Variants in CXCR6 observed in about 807,000 individuals in gnomAD.
CXCR6 encodes C-X-C motif chemokine receptor 6.
CXCR6 carries 3 observed loss-of-function variants against 1.6 expected under a neutral mutation model. That is an observed-to-expected ratio of 1.83 (90% confidence interval 0.83 to 4.72). The LOEUF is 4.72. Among genes scored for constraint, CXCR6 ranks in the 30% most tolerant of loss-of-function variants. The pLI is 0.02. For synonymous variants in CXCR6, 171 were observed against 159.2 expected (o/e 1.07, Z -0.56); for missense variants, 326 against 414.8 (o/e 0.79, Z 1.86).
At chr3:45,946,435 T>C in intron 1 of CXCR6, 26 bp from the exon 2 acceptor site, 1 of 1,530,462 alleles carries the variant, frequency 6.5e-7, no homozygotes. Context: ...CAGCCCCAAA[T>C]ATAATTCCTG....
Position 45,947,606 on chromosome 3 carries a change from T to C in CXCR6, c.*96T>C, listed in dbSNP as rs752911152. ...GCAGGCTTTGTTTATAGCTTGCGCA[T>C]TCTCATGGAGAAGTTATCAGACACT... On this transcript the variant is annotated 3_prime_UTR_variant, in exon 2 of 2. Coordinates refer to ENST00000304552, the MANE Select transcript of CXCR6 (RefSeq NM_006564.2). The C allele has an allele frequency of 1.6e-5, 15 of 936,572 alleles. No individual in the cohort carries two copies. Among genetic ancestry groups the C allele is most frequent in the Non-Finnish European group, 2.3e-5 (14 of 602,032 alleles). 58.0% of individuals were successfully genotyped at this position (936,572 alleles called of 1,614,324 possible).
upstream of CXCR6, among the ~76,000 whole-genome samples, chr3:45,942,847 G>T (rs919128374): frequency 1.3e-5 from 2 of 152,210 alleles, no homozygotes; most frequent in Non-Finnish European, 2.9e-5. Context: ...TGCCTGAGTG[G>T]TGTGGGCTTA....
upstream of CXCR6, among the ~76,000 whole-genome samples, chr3:45,942,359 A>G (rs1198892719): frequency 6.6e-6 from 1 of 152,240 alleles, no homozygotes; most frequent in East Asian, 1.9e-4. Context: ...GGCTTGCGGT[A>G]GAAATGAGTG....
At position 45,946,812 on chromosome 3, in the gene CXCR6, A is replaced by G; in HGVS notation, c.331A>G (p.Ile111Val). ...MCKSLLGIYT[I>V]NFYTSMLILT... ...CAAGAGCCTACTGGGCATCTACACT[A>G]TTAACTTCTACACGTCCATGCTCAT... The change falls in exon 2 of 2, where the codon ATT (isoleucine) becomes GTT (valine). Residue 111 changes from isoleucine to valine, a missense_variant. Physicochemically the swap from Ile to Val is conservative, Grantham distance 29. Coordinates refer to ENST00000304552, the MANE Select transcript of CXCR6 (RefSeq NM_006564.2). 1 of 1,614,204 alleles carries G rather than the reference A, an allele frequency of 6.2e-7. No individual in the cohort carries two copies. The highest frequency in any genetic ancestry group is 1.7e-5 in the Admixed American group (1 of 60,032).
intron 1 of CXCR6, chr3:45,945,031 C>CA (rs2125819833): frequency 6.6e-6 from 1 of 152,220 alleles, no homozygotes; most frequent in African/African-American, 2.4e-5. Context: ...TTTTATTAAG[C>CA]AGTCTTAGCC....
Position 45,947,036 on chromosome 3 carries a change from G to C in CXCR6, c.555G>C (p.Glu185Asp). Reference protein sequence around the residue: ...LDKLICGYHDEAISTVVLATQ... With the variant: ...LDKLICGYHDDAISTVVLATQ... ...AGCTCATATGTGGTTACCATGACGAGGCAATTTCCACTGTGGTTCTTGCCA... is the reference window on the plus strand; with the variant it reads ...AGCTCATATGTGGTTACCATGACGACGCAATTTCCACTGTGGTTCTTGCCA... The change falls in exon 2 of 2, where the codon GAG becomes GAC. Residue 185 changes from glutamate to aspartate, a missense_variant. By Grantham distance (45) the Glu-to-Asp change is conservative. Coordinates refer to ENST00000304552, the MANE Select transcript of CXCR6 (RefSeq NM_006564.2). The C allele has an allele frequency of 1.2e-6, 2 of 1,614,166 alleles. No homozygotes were observed. The highest frequency in any genetic ancestry group is 1.7e-6 in the Non-Finnish European group (2 of 1,180,036).
chr3:45,943,943 A>G (rs1418824965), intron 1 of CXCR6, among the ~76,000 whole-genome samples: 1 of 152,236 alleles, frequency 6.6e-6, no homozygotes, highest in Non-Finnish European at 1.5e-5. Flanking sequence ...ATATAAATCA[A>G]CATACTACTG....
At chr3:45,944,790 G>T (rs891194973) in intron 1 of CXCR6, among the ~76,000 whole-genome samples, 1 of 152,190 alleles carries the variant, frequency 6.6e-6, no homozygotes, top group Non-Finnish European at 1.5e-5. Flanking sequence ...AAAAAAAGGC[G>T]AGAGCGAGTC....
At chr3:45,944,818 TG>T (rs1357952884) in intron 1 of CXCR6, among the ~76,000 whole-genome samples, 1 of 152,204 alleles carries the variant, frequency 6.6e-6, no homozygotes, top group African/African-American at 2.4e-5. Context: ...AATGGGGAGC[TG>T]AACATTATTC....
intron 1 of CXCR6, among the ~76,000 whole-genome samples, chr3:45,944,808 A>G (rs1320734102): frequency 6.6e-6 from 1 of 152,220 alleles, no homozygotes; most frequent in Non-Finnish European, 1.5e-5. Flanking sequence ...GTCAAGCAAT[A>G]ATGGGGAGCT....
Position 45,946,601 on chromosome 3 carries a change from G to C in CXCR6, c.120G>C (p.Val40=). 1 of 1,614,202 alleles carries C rather than the reference G, an allele frequency of 6.2e-7. No individual in the cohort carries two copies. Among genetic ancestry groups the C allele is most frequent in the South Asian group, 1.1e-5 (1 of 91,068 alleles). ...TCTTTCTGCCCTGCATGTACCTGGT[G>C]GTGTTTGTCTGTGGTCTGGTGGGGA... The part of the protein sequence containing the change: ...SKVFLPCMYL[V]VFVCGLVGNS... Residue 40 remains valine (V), a synonymous_variant, in exon 2 of 2, where the codon GTG becomes GTC. Transcript: ENST00000304552.
chr3:45,944,052 C>T (rs1313370920), intron 1 of CXCR6, among the ~76,000 whole-genome samples: 2 of 151,938 alleles, frequency 1.3e-5, no homozygotes, highest in Admixed American at 1.3e-4. Context: ...TCATTTTTTC[C>T]AGGTTTCTAA....
intron 1 of CXCR6, 115 bp from the exon 2 acceptor site, chr3:45,946,346 A>G (rs1278695341): frequency 1.4e-6 from 1 of 705,700 alleles, no homozygotes; most frequent in African/African-American, 1.8e-5. Flanking sequence ...TACACATCCC[A>G]GTGGGTGGGT....
Position 45,947,511 on chromosome 3 carries a change from G to A in CXCR6, c.*1G>A, listed in dbSNP as rs1284550448. 6.2e-7 allele frequency: 1 copy of A among 1,609,556 alleles called. No homozygotes were observed. Among genetic ancestry groups the A allele is most frequent in the Non-Finnish European group, 8.5e-7 (1 of 1,176,422 alleles). ...GGCCACCAGCATGTTCCAGTTATAG[G>A]CCTTGCCAGGGTTTCGAGAAGCTGC... On this transcript the variant is annotated 3_prime_UTR_variant, in exon 2 of 2. Coordinates refer to ENST00000304552, the MANE Select transcript of CXCR6 (RefSeq NM_006564.2).
At position 45,944,214 on chromosome 3, in the gene CXCR6, G is replaced by GTA. The variant is rs1211915624; in HGVS notation, c.-22+675_-22+676insAT. Among the ~76,000 whole-genome samples, 65 of 151,684 alleles carry GTA rather than the reference G, an allele frequency of 4.3e-4. 1 individual carries two copies. The highest frequency in any genetic ancestry group is 7.9e-4 in the Admixed American group (12 of 15,198). On this transcript the variant is annotated intron_variant, in intron 1 of 1. Coordinates refer to ENST00000304552, the MANE Select transcript of CXCR6 (RefSeq NM_006564.2). Reference sequence around the variant, plus strand: ...TGTGTGTCTGTGTGTGTGTGTGTGTGTGTATATATATATACATTATTTCTG... The same window carrying GTA: ...TGTGTGTCTGTGTGTGTGTGTGTGTGTATGTATATATATATACATTATTTCTG...
Position 45,946,696 on chromosome 3 carries a change from A to C in CXCR6, c.215A>C (p.Asn72Thr). The C allele has an allele frequency of 6.2e-7, 1 of 1,614,118 alleles. No homozygotes were observed. Among genetic ancestry groups the C allele is most frequent in the Admixed American group, 1.7e-5 (1 of 60,006 alleles). ...AGCCTGACGGATGTGTTCCTGGTGA[A>C]CCTACCCCTGGCTGACCTGGTGTTT... ...LQSLTDVFLV[N>T]LPLADLVFVC... Residue 72 changes from asparagine to threonine, a missense_variant, in exon 2 of 2, where the codon AAC becomes ACC. Coordinates refer to ENST00000304552, the MANE Select transcript of CXCR6 (RefSeq NM_006564.2).
intron 1 of CXCR6, 194 bp from the exon 2 acceptor site, chr3:45,946,267 G>A (rs1378632735): frequency 1.8e-6 from 1 of 544,598 alleles, no homozygotes; most frequent in Non-Finnish European, 3.3e-6. Flanking sequence ...CTAATGGAGA[G>A]TCCTCATCCT....
rs141955108 is a variant in CXCR6, at chr3:45,947,368, G to A, written c.887G>A (p.Arg296Gln). The A allele has an allele frequency of 3.5e-5, 57 of 1,614,072 alleles. 1 individual carries two copies. The highest frequency in any genetic ancestry group is 4.4e-5 in the Non-Finnish European group (52 of 1,180,042). ...VLYAFVSLKF[R>Q]KNFWKLVKDI... is the part of the protein sequence containing the mutation. ...TATGCCTTTGTCAGCCTGAAGTTTCGAAAGAACTTCTGGAAACTTGTGAAG... is the reference window on the plus strand; with the variant it reads ...TATGCCTTTGTCAGCCTGAAGTTTCAAAAGAACTTCTGGAAACTTGTGAAG... The change falls in exon 2 of 2, where the codon CGA becomes CAA. Residue 296 changes from arginine (R) to glutamine (Q), a missense_variant. Transcript: ENST00000304552.
At position 45,947,033 on chromosome 3, in the gene CXCR6, C is replaced by G; in HGVS notation, c.552C>G (p.Asp184Glu). 1 of 1,614,202 alleles carries G rather than the reference C, an allele frequency of 6.2e-7. No individual in the cohort carries two copies. Among genetic ancestry groups the G allele is most frequent in the Non-Finnish European group, 8.5e-7 (1 of 1,180,022 alleles). ...NLDKLICGYH[D>E]EAISTVVLAT... Reference sequence around the variant, plus strand: ...ACAAGCTCATATGTGGTTACCATGACGAGGCAATTTCCACTGTGGTTCTTG... The same window carrying G: ...ACAAGCTCATATGTGGTTACCATGAGGAGGCAATTTCCACTGTGGTTCTTG... The change falls in exon 2 of 2, where the codon GAC becomes GAG. Residue 184 changes from aspartate (D) to glutamate (E), a missense_variant. Transcript: ENST00000304552.
Sources: gnomAD v4.1 joint callset for allele counts (sites outside exome capture counted in the v4.1 genomes callset) on GRCh38, gnomAD v4.1.1 for gene constraint, MANE v1.5 for transcripts, NCBI Gene and HGNC (gene_info 2026-07-23, HGNC 2026-07-21) for gene names.